FMNL2: variants seen among roughly 807,000 people sequenced by gnomAD.
FMNL2 encodes the protein formin like 2, also known as formin-like protein 2.
In FMNL2, 51 loss-of-function variants were observed where a neutral mutation model predicts 130.2. The observed-to-expected ratio is 0.39, with a 90% CI of 0.31 to 0.49. The LOEUF (loss-of-function observed/expected upper bound fraction) is 0.49. Among genes scored for constraint, FMNL2 ranks in the 20% least tolerant of loss-of-function variants. FMNL2 has a pLI of 0.85. For synonymous variants in FMNL2, 465 were observed against 467.1 expected (o/e 1.00, Z 0.06); for missense variants, 977 against 1,316.2 (o/e 0.74, Z 3.99).
At chr2:152,501,925 G>A (rs1691859787) in intron 1 of FMNL2, among the ~76,000 whole-genome samples, 2 of 152,272 alleles carry the variant, frequency 1.3e-5, no homozygotes, top group Non-Finnish European at 1.5e-5. Flanking sequence ...GTTTCCGGAA[G>A]GAGAAACTGT....
chr2:152,434,194 G>A (rs1277595979), intron 1 of FMNL2, among the ~76,000 whole-genome samples: 1 of 152,208 alleles, frequency 6.6e-6, no homozygotes, highest in African/African-American at 2.4e-5. Context: ...CTGACCTAGA[G>A]CAACAGGGAA....
At position 152,473,105 on chromosome 2, in the gene FMNL2, A is replaced by G. The variant is rs556333772; in HGVS notation, c.118-48838A>G. Among the ~76,000 whole-genome samples, 20 of 152,364 alleles carry G rather than the reference A, an allele frequency of 1.3e-4. No homozygotes were observed. The Middle Eastern group carries it at 0.014, about 104-fold the overall frequency. The stretch of plus-strand genomic sequence containing the variant: ...TTTATTAGGTTGTGACCTTGAGATC[A>G]TTCTATATGGAAAAGAAATACAGTA... On this transcript the variant is annotated intron_variant, in intron 1 of 25. Coordinates refer to ENST00000288670, the MANE Select transcript of FMNL2 (RefSeq NM_052905.4).
intron 1 of FMNL2, among the ~76,000 whole-genome samples, chr2:152,519,856 G>A (rs1271855446): frequency 1.3e-5 from 2 of 152,088 alleles, no homozygotes; most frequent in Admixed American, 1.3e-4. Flanking sequence ...AGATTAGTGA[G>A]GACTCAAGAG....
intron 1 of FMNL2, among the ~76,000 whole-genome samples, chr2:152,473,095 C>T (rs752405146): frequency 2.0e-5 from 3 of 152,066 alleles, no homozygotes; most frequent in South Asian, 2.1e-4. Flanking sequence ...TAGGTTGTGA[C>T]CTTGAGATCA....
chr2:152,336,978 G>A (rs143368314), intron 1 of FMNL2, among the ~76,000 whole-genome samples: 61 of 152,300 alleles, frequency 4.0e-4, no homozygotes, highest in African/African-American at 1.4e-3. Context: ...TCAGCTACAG[G>A]ACGTTCAAAT....
chr2:152,419,556 G>A (rs181169409), intron 1 of FMNL2, among the ~76,000 whole-genome samples: 13 of 152,282 alleles, frequency 8.5e-5, no homozygotes, highest in Non-Finnish European at 1.5e-5. Flanking sequence ...AAATGGTAAC[G>A]TGATGGTCAA....
intron 1 of FMNL2, among the ~76,000 whole-genome samples, chr2:152,336,025 G>A: frequency 6.6e-6 from 1 of 151,860 alleles, no homozygotes; most frequent in South Asian, 2.1e-4. Flanking sequence ...GTGCGGCGTG[G>A]GCGTGAAGAG....
At chr2:152,490,137 A>C (rs1691062563) in intron 1 of FMNL2, among the ~76,000 whole-genome samples, 1 of 152,098 alleles carries the variant, frequency 6.6e-6, no homozygotes, top group Non-Finnish European at 1.5e-5. Context: ...ACTTGTACTA[A>C]AATGTTAATT....
Position 152,628,433 on chromosome 2 carries a change from G to A in FMNL2, c.2300G>A (p.Arg767Gln). 3 of 1,614,002 alleles carry A rather than the reference G, an allele frequency of 1.9e-6. No homozygotes were observed. Among genetic ancestry groups the A allele is most frequent in the South Asian group, 2.2e-5 (2 of 91,084 alleles). The change falls in exon 18 of 26, where the codon CGG becomes CAG. Residue 767 changes from arginine (R) to glutamine (Q), a missense_variant. Arg to Gln is a conservative substitution (Grantham distance 43). Transcript: ENST00000288670. ...KPLENLSDED[R>Q]FMMQFSKIER... ...CTGGAAAACTTGTCAGATGAAGATC[G>A]GTTCATGATGCAGTTTAGTAAAATC... is the stretch of plus-strand genomic sequence containing the variant.
chr2:152,521,727 A>G (rs1311645472), intron 1 of FMNL2, among the ~76,000 whole-genome samples: 2 of 152,326 alleles, frequency 1.3e-5, no homozygotes, highest in East Asian at 1.9e-4. Flanking sequence ...ATCATCTCAC[A>G]TGTCCCACCA....
At chr2:152,633,572 TGGA>T (rs1385178463) in intron 21 of FMNL2, among the ~76,000 whole-genome samples, 1 of 152,202 alleles carries the variant, frequency 6.6e-6, no homozygotes, top group Non-Finnish European at 1.5e-5. Flanking sequence ...GAGAGGCAGA[TGGA>T]GATGACTCTC....
intron 4 of FMNL2, among the ~76,000 whole-genome samples, chr2:152,551,580 G>C (rs1048543723): frequency 6.6e-6 from 1 of 152,180 alleles, no homozygotes; most frequent in African/African-American, 2.4e-5. Flanking sequence ...TAACTGGCTT[G>C]CTCTCACTTG....
At chr2:152,636,921 G>T (rs11883762) in intron 22 of FMNL2, among the ~76,000 whole-genome samples, 129,157 of 152,136 alleles carry the variant, frequency 0.85, 55,449 homozygotes, top group Non-Finnish European at 0.9. Flanking sequence ...TTCCTGTGTA[G>T]TGGGTTTCTG....
intron 6 of FMNL2, among the ~76,000 whole-genome samples, chr2:152,564,156 G>GATTTT (rs1695682467): frequency 1.3e-5 from 1 of 75,864 alleles, no homozygotes; most frequent in East Asian, 4.5e-4. Context: ...TAATAGCACA[G>GATTTT]GTTGTTTTTT....
chr2:152,630,491 A>C (rs1280480000), intron 20 of FMNL2, among the ~76,000 whole-genome samples: 2 of 152,158 alleles, frequency 1.3e-5, no homozygotes, highest in African/African-American at 4.8e-5. Context: ...AGGGTGCTCT[A>C]ATTTTCAGAG....
Position 152,607,401 on chromosome 2 carries a change from C to T in FMNL2, c.939C>T (p.Asn313=), listed in dbSNP as rs370334407. 6 of 1,612,000 alleles carry T rather than the reference C, an allele frequency of 3.7e-6. No individual in the cohort carries two copies. The South Asian group carries it at 4.4e-5, about 12-fold the overall frequency. Reference sequence around the variant, plus strand: ...AACATTTCAGGAATGAAGACAATAACATAGATTTTATGGTGAGTTATTTCA... The same window carrying T: ...AACATTTCAGGAATGAAGACAATAATATAGATTTTATGGTGAGTTATTTCA... ...LMEHFRNEDN[N]IDFMVASMQF... The change falls in exon 10 of 26, where the codon AAC becomes AAT. Residue 313 remains asparagine (N), a synonymous_variant. Coordinates refer to ENST00000288670, the MANE Select transcript of FMNL2 (RefSeq NM_052905.4).
intron 1 of FMNL2, among the ~76,000 whole-genome samples, chr2:152,461,491 A>ATACTTAAACTG (rs1689248178): frequency 6.6e-6 from 1 of 152,222 alleles, no homozygotes; most frequent in Admixed American, 6.5e-5. Context: ...TCAAAAAAGT[A>ATACTTAAACTG]GATTCACATA....
At chr2:152,509,188 T>C (rs577648009) in intron 1 of FMNL2, among the ~76,000 whole-genome samples, 12 of 152,174 alleles carry the variant, frequency 7.9e-5, no homozygotes, top group Non-Finnish European at 1.8e-4. Flanking sequence ...AACCTTTTTA[T>C]CTCCAAATAG....
chr2:152,431,691 G>A (rs1296794054), intron 1 of FMNL2, among the ~76,000 whole-genome samples: 2 of 152,116 alleles, frequency 1.3e-5, no homozygotes, highest in African/African-American at 4.8e-5. Context: ...TCTGAGCCCA[G>A]TGTGAGGCTC....
Sources: gnomAD v4.1 joint callset for allele counts (sites outside exome capture counted in the v4.1 genomes callset) on GRCh38, gnomAD v4.1.1 for gene constraint, MANE v1.5 for transcripts, NCBI Gene and HGNC (gene_info 2026-07-23, HGNC 2026-07-21) for gene names.